DIS3L2: variants seen among roughly 807,000 people sequenced by gnomAD.
DIS3L2 encodes the protein DIS3-like exonuclease 2.
DIS3L2 carries 34 observed loss-of-function variants against 97.5 expected under a neutral mutation model. The observed-to-expected ratio is 0.35, with a 90% confidence interval of 0.27 to 0.46. The LOEUF is 0.46. Among genes scored for constraint, DIS3L2 ranks in the 20% least tolerant of loss-of-function variants. The probability of loss-of-function intolerance (pLI) is 1.00; values close to 1 mark genes in which losing one functional copy is unlikely to be tolerated. For missense variants in DIS3L2, 1,038 were observed against 1,146.0 expected (o/e 0.91, Z 1.36); for synonymous variants, 435 against 445.2 (o/e 0.98, Z 0.29).
intron 10 of DIS3L2, among the ~76,000 whole-genome samples, chr2:232,236,186 C>T (rs1223381651): frequency 6.6e-6 from 1 of 152,000 alleles, no homozygotes; most frequent in African/African-American, 2.4e-5. Flanking sequence ...TTTCAAGCAT[C>T]CCACGTTTAA....
At chr2:232,086,847 T>C (rs1345767234) in intron 5 of DIS3L2, among the ~76,000 whole-genome samples, 2 of 150,714 alleles carry the variant, frequency 1.3e-5, no homozygotes, top group Non-Finnish European at 3.0e-5. Flanking sequence ...TCCTGGCTAA[T>C]TTTTTTATAT....
intron 8 of DIS3L2, among the ~76,000 whole-genome samples, chr2:232,145,846 G>A (rs1431020251): frequency 6.6e-6 from 1 of 152,016 alleles, no homozygotes; most frequent in Non-Finnish European, 1.5e-5. Context: ...GACACCAAAG[G>A]CATACAAGTC....
At chr2:232,218,606 C>T (rs1692411761) in intron 10 of DIS3L2, among the ~76,000 whole-genome samples, 1 of 152,162 alleles carries the variant, frequency 6.6e-6, no homozygotes, top group Non-Finnish European at 1.5e-5. Context: ...ACAAGGGTCC[C>T]TCTGAGCCTG....
chr2:232,087,688 G>A lies in DIS3L2; in HGVS notation c.568G>A (p.Val190Ile), dbSNP rs748274823. Residue 190 changes from valine (V) to isoleucine (I), a missense_variant, in exon 6 of 21, where the codon GTT becomes ATT. Physicochemically the swap from Val to Ile is conservative, Grantham distance 29 (BLOSUM62 3). Around this residue, in one of 3 missense-constraint regions of DIS3L2, gnomAD observed 813 missense variants for 880.1 expected, o/e 0.92. Transcript: ENST00000325385. Reference protein sequence around the residue: ...GITQNVLVDGVKKLSVCVSEK... With the variant: ...GITQNVLVDGIKKLSVCVSEK... ...CACACAAAATGTGCTGGTTGATGGT[G>A]TTAAGAAACTCTCAGTTTGTGTTTC... 3.1e-6 allele frequency: 5 copies of A among 1,614,132 alleles called. No homozygotes were observed. In the South Asian group the frequency reaches 3.3e-5, roughly 11 times the overall value.
intron 1 of DIS3L2, among the ~76,000 whole-genome samples, chr2:231,977,040 C>T (rs751680860): frequency 1.3e-5 from 2 of 152,274 alleles, no homozygotes; most frequent in East Asian, 1.9e-4. Context: ...CCTGGGATTA[C>T]GGGTGTGAGC....
chr2:232,200,630 A>T (rs1359942579), intron 9 of DIS3L2, among the ~76,000 whole-genome samples: 1 of 152,122 alleles, frequency 6.6e-6, no homozygotes, highest in Non-Finnish European at 1.5e-5. Flanking sequence ...AAAAAAAAAA[A>T]TTGGGGGCAG....
intron 9 of DIS3L2, among the ~76,000 whole-genome samples, chr2:232,203,182 C>T (rs1691943171): frequency 6.6e-6 from 1 of 152,170 alleles, no homozygotes; most frequent in Non-Finnish European, 1.5e-5. Context: ...TATTCTTTAT[C>T]CACTTAAGGT....
intron 14 of DIS3L2, among the ~76,000 whole-genome samples, chr2:232,326,814 G>A (rs545245596): frequency 1.5e-3 from 225 of 151,110 alleles, no homozygotes; most frequent in Non-Finnish European, 2.5e-3. Flanking sequence ...GCCCTGGCAA[G>A]GTGGGCCTCT....
Position 232,166,808 on chromosome 2 carries a change from G to A in DIS3L2, c.1124+3176G>A, listed in dbSNP as rs958257796. On this transcript the variant is annotated intron_variant, in intron 9 of 20. Coordinates refer to ENST00000325385, the MANE Select transcript of DIS3L2 (RefSeq NM_152383.5). ...GGCCAAGGTGGGTGGATCACTCGAG[G>A]TCAGGAGTTGGAGACCAGCGTGGCC... Among the ~76,000 whole-genome samples the A allele has an allele frequency of 2.7e-5, 4 of 149,622 alleles. No individual in the cohort carries two copies. The South Asian group carries it at 8.5e-4, about 32-fold the overall frequency.
At chr2:232,159,203 A>T (rs1690581655) in intron 8 of DIS3L2, among the ~76,000 whole-genome samples, 2 of 152,234 alleles carry the variant, frequency 1.3e-5, no homozygotes, top group Non-Finnish European at 1.5e-5. Context: ...ATGTGAACTA[A>T]GGCAGCTCTG....
chr2:232,121,565 C>T lies in DIS3L2; in HGVS notation c.602-9054C>T, dbSNP rs749022921. Among the ~76,000 whole-genome samples, 41 of 152,222 alleles carry T rather than the reference C, an allele frequency of 2.7e-4. 2 individuals carry two copies. In the Middle Eastern group the frequency reaches 0.027, roughly 101 times the overall value. On this transcript the variant is annotated intron_variant, in intron 6 of 20. Transcript: ENST00000325385. The stretch of plus-strand genomic sequence containing the variant: ...ACTAAAAACTGACTGAATTTATATC[C>T]TTTCTTGGTTGCACTGAAATACTCT...
intron 13 of DIS3L2, among the ~76,000 whole-genome samples, chr2:232,291,247 A>G (rs2106312523): frequency 6.6e-6 from 1 of 152,392 alleles, no homozygotes; most frequent in South Asian, 2.1e-4. Context: ...AAAAGAAATT[A>G]TACTTAGGAA....
chr2:232,086,613 G>GTATATATATATATATACACATATATATA (rs1696634983), intron 5 of DIS3L2, among the ~76,000 whole-genome samples: 1 of 103,760 alleles, frequency 9.6e-6, no homozygotes, highest in South Asian at 2.8e-4. Context: ...GTGTGTGTGT[G>GTATATATATATATATACACATATATATA]TATATATATA....
chr2:232,196,962 C>A (rs995301014), intron 9 of DIS3L2, among the ~76,000 whole-genome samples: 1 of 151,970 alleles, frequency 6.6e-6, no homozygotes, highest in African/African-American at 2.4e-5. Context: ...CAGCATGTTC[C>A]CTGAGAAGTC....
Position 232,086,677 on chromosome 2 carries a change from G to GTA in DIS3L2, c.367-800_367-799dup, listed in dbSNP as rs760890280. Among the ~76,000 whole-genome samples the GTA allele has an allele frequency of 1.9e-3, 102 of 54,542 alleles. 3 individuals carry two copies. Among genetic ancestry groups the GTA allele is most frequent in the African/African-American group, 6.3e-3 (92 of 14,502 alleles). The allele number at this position is 54,542 out of a possible 152,430, so 35.8% of individuals were successfully genotyped here. On this transcript the variant is annotated intron_variant, in intron 5 of 20. Transcript: ENST00000325385. The stretch of plus-strand genomic sequence containing the variant: ...TATATATATGTGTGTGTGTGTGTGT[G>GTA]TATATATATATTTTTTGAGACAGAG...
intron 10 of DIS3L2, among the ~76,000 whole-genome samples, chr2:232,235,168 G>C (rs1692898574): frequency 2.0e-5 from 3 of 152,196 alleles, no homozygotes; most frequent in Non-Finnish European, 2.9e-5. Context: ...TCCTCTCTCT[G>C]CTCTAAATGC....
chr2:232,316,853 C>G (rs1354590024), intron 14 of DIS3L2, among the ~76,000 whole-genome samples: 3 of 152,104 alleles, frequency 2.0e-5, no homozygotes, highest in Non-Finnish European at 4.4e-5. Flanking sequence ...GATAAAAGAT[C>G]AGTTAGCTGG....
intron 10 of DIS3L2, among the ~76,000 whole-genome samples, chr2:232,228,902 G>C (rs554606783): frequency 6.6e-6 from 1 of 152,148 alleles, no homozygotes; most frequent in East Asian, 1.9e-4. Flanking sequence ...TTTAAAGCAG[G>C]GTTTGCATTT....
At chr2:232,112,319 G>C (rs1252273015) in intron 6 of DIS3L2, among the ~76,000 whole-genome samples, 1 of 152,218 alleles carries the variant, frequency 6.6e-6, no homozygotes, top group Non-Finnish European at 1.5e-5. Context: ...TGAGGATTAT[G>C]CTATTTTACA....
Sources: gnomAD v4.1 joint callset for allele counts (sites outside exome capture counted in the v4.1 genomes callset) on GRCh38, gnomAD v4.1.1 for gene constraint, gnomAD v4.1.1 regional missense constraint, MANE v1.5 for transcripts, NCBI Gene and HGNC (gene_info 2026-07-23, HGNC 2026-07-21) for gene names.